The following PCDHGB5 variants were observed in gnomAD, a reference collection of about 807,000 sequenced individuals.
PCDHGB5 encodes the protein protocadherin gamma-B5.
In PCDHGB5, 48 loss-of-function variants were observed where a neutral mutation model predicts 62.9. The ratio of observed to expected loss-of-function variants is 0.76; its 90% confidence interval spans 0.61 to 0.97. The LOEUF (loss-of-function observed/expected upper bound fraction) is 0.97. Among genes scored for constraint, PCDHGB5 ranks in the 50% least tolerant of loss-of-function variants. PCDHGB5 has a pLI of 0.00. For missense variants in PCDHGB5, 1,118 were observed against 1,198.6 expected, an observed-to-expected ratio of 0.93 and a Z score of 0.99; for synonymous variants, 474 against 511.2, an observed-to-expected ratio of 0.93 and a Z score of 0.98.
chr5:141,442,751 T>G (rs756672976), intron 1 of PCDHGB5, among the ~76,000 whole-genome samples: 1 of 152,196 alleles, frequency 6.6e-6, no homozygotes, highest in Non-Finnish European at 1.5e-5. Context: ...CATGTTTTGA[T>G]TATATATATT....
chr5:141,424,295 C>T (rs1481053072), intron 1 of PCDHGB5: 1 of 152,526 alleles, frequency 6.6e-6, no homozygotes, highest in East Asian at 1.9e-4. Flanking sequence ...TTTCTTCATC[C>T]TATCAACACA....
chr5:141,507,553 C>T (rs1382652977), intron 3 of PCDHGB5, among the ~76,000 whole-genome samples: 4 of 152,192 alleles, frequency 2.6e-5, no homozygotes, highest in Admixed American at 2.0e-4. Flanking sequence ...ATGAAAGTGG[C>T]AGGCGGCTGG....
In PCDHGB5 at chr5:141,491,105, C is replaced by T; in HGVS notation, c.2398-3702C>T. ...ACAGCCCCAGGACTGTTCCTCGTGTCTACACACACTGGTGAGGTGCGCACA... is the reference window on the plus strand; with the variant it reads ...ACAGCCCCAGGACTGTTCCTCGTGTTTACACACACTGGTGAGGTGCGCACA... On this transcript the variant is annotated intron_variant, in intron 1 of 3. Transcript: ENST00000617380. This position sits in a 1 kb window ranked among gnomAD's most constrained non-coding sequence, Gnocchi z 6.9. 1 of 1,614,222 alleles carries T rather than the reference C, an allele frequency of 6.2e-7. No individual in the cohort carries two copies. Among genetic ancestry groups the T allele is most frequent in the Non-Finnish European group, 8.5e-7 (1 of 1,180,032 alleles).
chr5:141,441,280 G>A (rs2098237221), intron 1 of PCDHGB5: 1 of 152,090 alleles, frequency 6.6e-6, no homozygotes, highest in East Asian at 1.9e-4. Flanking sequence ...GGGAGAAAAC[G>A]AGGTCACATG....
intron 2 of PCDHGB5, among the ~76,000 whole-genome samples, chr5:141,502,866 C>CTCTTTTTTT (rs1554188502): frequency 7.8e-6 from 1 of 128,046 alleles, no homozygotes; most frequent in African/African-American, 3.1e-5. Context: ...GACTCTCTGT[C>CTCTTTTTTT]TTTTTTTTTT....
At chr5:141,427,294 AT>A (rs2097012877) in intron 1 of PCDHGB5, 1 of 456,758 alleles carries the variant, frequency 2.2e-6, no homozygotes, top group Non-Finnish European at 4.4e-6. Flanking sequence ...GAAATCCTAG[AT>A]GAGAATGACA....
At chr5:141,401,079 C>T (rs1245954946) in intron 1 of PCDHGB5, among the ~76,000 whole-genome samples, 16 of 152,196 alleles carry the variant, frequency 1.1e-4, no homozygotes, top group Admixed American at 1.0e-3. Flanking sequence ...TGCAGTGGCT[C>T]ATGCCTGTAA....
At position 141,485,656 on chromosome 5, in the gene PCDHGB5, T is replaced by C. The variant is rs147216126; in HGVS notation, c.2398-9151T>C. On this transcript the variant is annotated intron_variant, in intron 1 of 3. Coordinates refer to ENST00000617380, the MANE Select transcript of PCDHGB5 (RefSeq NM_018925.3). This position sits in a 1 kb window ranked among gnomAD's most constrained non-coding sequence, Gnocchi z 5.7. ...CGTTGGAAAAGGCTCAGGATGCAGA[T>C]GTGGGGAGCAATTCGATTAGCAGCT... 23 of 1,612,648 alleles carry C rather than the reference T, an allele frequency of 1.4e-5. No homozygotes were observed. The African/African-American group carries it at 2.8e-4, about 20-fold the overall frequency.
chr5:141,499,731 C>T (rs2099794093), intron 2 of PCDHGB5, among the ~76,000 whole-genome samples: 1 of 138,132 alleles, frequency 7.2e-6, no homozygotes, highest in African/African-American at 2.7e-5. Context: ...GTCTCACTCT[C>T]TTGCCCAGGC....
chr5:141,398,862 C>T lies in PCDHGB5; in HGVS notation c.735C>T (p.Asp245=), dbSNP rs771326288. The change falls in exon 1 of 4, where the codon GAC becomes GAT. Residue 245 remains aspartate (D), a synonymous_variant. Transcript: ENST00000617380. ...ANDNPPVFNR[D]VYRVSLRENV... ...ATAATCCCCCGGTATTCAACCGAGA[C>T]GTGTACAGAGTCAGCCTTCGGGAAA... is the stretch of plus-strand genomic sequence containing the variant. 31 of 1,613,848 alleles carry T rather than the reference C, an allele frequency of 1.9e-5. No individual in the cohort carries two copies. The highest frequency in any genetic ancestry group is 2.6e-5 in the Non-Finnish European group (31 of 1,179,904).
intron 1 of PCDHGB5, among the ~76,000 whole-genome samples, chr5:141,446,948 T>C (rs1166868490): frequency 6.6e-6 from 1 of 152,186 alleles, no homozygotes; most frequent in African/African-American, 2.4e-5. Context: ...GTAAGAAACA[T>C]CCAGCACCCA....
chr5:141,425,587 T>G (rs2096884432), intron 1 of PCDHGB5, among the ~76,000 whole-genome samples: 2 of 152,226 alleles, frequency 1.3e-5, no homozygotes. Flanking sequence ...CTAACTTTAT[T>G]CTGAATATGC....
At chr5:141,430,873 G>T in intron 1 of PCDHGB5, 5 of 1,598,960 alleles carry the variant, frequency 3.1e-6, no homozygotes, top group Non-Finnish European at 4.3e-6. Flanking sequence ...TTCCGGAAGA[G>T]CTGGAGAAAG....
In PCDHGB5 at chr5:141,398,249, T is replaced by C. The variant is rs1462140853; in HGVS notation, c.122T>C (p.Met41Thr). 1.4e-6 allele frequency: 2 copies of C among 1,470,902 alleles called. No homozygotes were observed. Among genetic ancestry groups the C allele is most frequent in the Non-Finnish European group, 1.8e-6 (2 of 1,083,576 alleles). The allele number at this position is 1,470,902 out of a possible 1,614,324, so 91.1% of individuals were successfully genotyped here. A position where few individuals can be genotyped will look rare whatever the true frequency, so the allele number is the denominator to read the frequency against. The change falls in exon 1 of 4, where the codon ATG (methionine) becomes ACG (threonine). Residue 41 changes from methionine (M) to threonine (T), a missense_variant. Physicochemically the swap from Met to Thr is moderately conservative, Grantham distance 81. This residue lies in a region of PCDHGB5 where 84 missense variants were observed against 169.5 expected (regional missense o/e 0.50). Coordinates refer to ENST00000617380, the MANE Select transcript of PCDHGB5 (RefSeq NM_018925.3). ...EQIRYRIPEE[M>T]PKGSVVGNLA... ...ATCCGCTACAGGATTCCCGAGGAAA[T>C]GCCCAAGGGCTCCGTAGTGGGGAAC...
rs1224515106 is a variant in PCDHGB5 at position 141,491,453 on chromosome 5, C to T, written c.2398-3354C>T. On this transcript the variant is annotated intron_variant, in intron 1 of 3. Transcript: ENST00000617380. The surrounding 1 kb of genome is among the most constrained non-coding windows in gnomAD (Gnocchi z 6.9). ...TGCTGCAGGCGCCAGGACTCACCCT[C>T]CCCGGACTTCTATAAGCAGTCCAGC... The T allele has an allele frequency of 6.2e-6, 10 of 1,614,120 alleles. No homozygotes were observed. The highest frequency in any genetic ancestry group is 8.5e-6 in the Non-Finnish European group (10 of 1,180,028).
At chr5:141,447,837 G>A (rs952923627) in intron 1 of PCDHGB5, among the ~76,000 whole-genome samples, 10 of 152,170 alleles carry the variant, frequency 6.6e-5, no homozygotes, top group African/African-American at 2.4e-4. Flanking sequence ...TGTAATCCCA[G>A]TGCTTTGGGA....
At chr5:141,404,520 A>C (rs1483361714) in intron 1 of PCDHGB5, 2 of 1,613,916 alleles carry the variant, frequency 1.2e-6, no homozygotes, top group Non-Finnish European at 1.7e-6. Context: ...TTTGACTATG[A>C]GCAGTTTAGA....
At chr5:141,422,690 T>G (rs1384522137) in intron 1 of PCDHGB5, 1 of 1,603,908 alleles carries the variant, frequency 6.2e-7, no homozygotes, top group Admixed American at 1.7e-5. Context: ...AATGCCCTGG[T>G]CACTTACTCT....
chr5:141,440,578 C>T (rs2098188646), intron 1 of PCDHGB5: 1 of 152,138 alleles, frequency 6.6e-6, no homozygotes, highest in Non-Finnish European at 1.5e-5. Flanking sequence ...CTGAGTTTAC[C>T]CAGCTGGAAC....
Sources: allele counts gnomAD v4.1 joint callset (sites outside exome capture counted in the v4.1 genomes callset), GRCh38; gene constraint gnomAD v4.1.1; regional missense constraint gnomAD v4.1.1; non-coding constraint Gnocchi (gnomAD v3.1); transcripts MANE v1.5; gene names NCBI Gene and HGNC (gene_info 2026-07-23, HGNC 2026-07-21).